Variants in RAB18 observed in about 807,000 individuals in gnomAD.
The protein encoded by RAB18 is ras-related protein Rab-18.
Under a neutral mutation model 28.5 loss-of-function variants are expected in RAB18, and 10 were observed. That is an observed-to-expected ratio of 0.35 (90% CI 0.22 to 0.60). The LOEUF is 0.60. Among genes scored for constraint, RAB18 ranks in the 20% least tolerant of loss-of-function variants. The pLI is 0.78. For missense variants in RAB18, 188 were observed against 244.2 expected (o/e 0.77, Z 1.53); for synonymous variants, 93 against 86.9 (o/e 1.07, Z -0.39).
rs776595083 is a variant in RAB18, at chr10:27,509,878, G to T, written c.72G>T (p.Leu24=). Residue 24 remains leucine, a synonymous_variant, in exon 2 of 7, where the codon CTG becomes CTT. Coordinates refer to ENST00000356940, the MANE Select transcript of RAB18 (RefSeq NM_021252.5). ...GTCTTTTTAATATCTCTTTCAGCCT[G>T]CTCTTGAGGTTCACAGATGATACGT... ...IGESGVGKSS[L]LLRFTDDTFD... 6.2e-7 allele frequency: 1 copy of T among 1,612,010 alleles called. No homozygotes were observed. The highest frequency in any genetic ancestry group is 2.2e-5 in the East Asian group (1 of 44,850).
At chr10:27,512,643 G>C (rs1834346886) in intron 2 of RAB18, among the ~76,000 whole-genome samples, 1 of 152,118 alleles carries the variant, frequency 6.6e-6, no homozygotes, top group Non-Finnish European at 1.5e-5. Context: ...TTACTTAGTA[G>C]TAAAACCTTA....
chr10:27,526,181 CCTCTT>C (rs1834667708), intron 2 of RAB18, among the ~76,000 whole-genome samples: 1 of 152,062 alleles, frequency 6.6e-6, no homozygotes, highest in Non-Finnish European at 1.5e-5. Flanking sequence ...TTTGGGCACT[CCTCTT>C]TCACTTATGA....
rs1834833404 is a variant in RAB18, at chr10:27,533,667, A to G, written c.260-68A>G. The G allele has an allele frequency of 5.1e-6, 8 of 1,580,644 alleles. No individual in the cohort carries two copies. In the East Asian group the frequency reaches 1.1e-4, roughly 22 times the overall value. ...TGCTTAGTAATGCTAACTCCTAGCTACATATCAGAAATACGCCATTGCTTC... is the reference window on the plus strand; with the variant it reads ...TGCTTAGTAATGCTAACTCCTAGCTGCATATCAGAAATACGCCATTGCTTC... On this transcript the variant is annotated intron_variant, in intron 4 of 6. Transcript: ENST00000356940.
intron 2 of RAB18, among the ~76,000 whole-genome samples, chr10:27,523,156 G>A (rs1490191877): frequency 1.3e-5 from 2 of 151,158 alleles, no homozygotes; most frequent in Non-Finnish European, 2.9e-5. Context: ...ATTAAGTATT[G>A]CTTAAGTGGC....
At chr10:27,518,789 T>C (rs1834488987) in intron 2 of RAB18, among the ~76,000 whole-genome samples, 1 of 152,142 alleles carries the variant, frequency 6.6e-6, no homozygotes, top group South Asian at 2.1e-4. Context: ...TCTAACTTCT[T>C]AATTTTTCCG....
chr10:27,527,575 C>G (rs1032101974), intron 3 of RAB18, among the ~76,000 whole-genome samples: 1 of 37,194 alleles, frequency 2.7e-5, no homozygotes, highest in Admixed American at 5.3e-4. Flanking sequence ...TAAATATGAT[C>G]GGTTATATAT....
At position 27,539,141 on chromosome 10, in the gene RAB18, T is replaced by A. The variant is rs1834966556; in HGVS notation, c.*1090T>A. 2.7e-6 allele frequency: 1 copy of A among 365,996 alleles called. No homozygotes were observed. The highest frequency in any genetic ancestry group is 5.3e-6 in the Non-Finnish European group (1 of 187,128). 22.7% of individuals were successfully genotyped at this position (365,996 alleles called of 1,614,324 possible). On this transcript the variant is annotated 3_prime_UTR_variant, in exon 7 of 7. Transcript: ENST00000356940. ...TTCATCAAAACCAACTTGTACAGAC[T>A]AATAAATCTTTTTCACAGTATTCAG...
intron 2 of RAB18, among the ~76,000 whole-genome samples, chr10:27,517,850 A>G (rs1474504000): frequency 6.6e-6 from 1 of 152,066 alleles, no homozygotes; most frequent in African/African-American, 2.4e-5. Context: ...TTTCTGTTCT[A>G]TTCTAGTCTG....
intron 2 of RAB18, among the ~76,000 whole-genome samples, chr10:27,517,688 T>A (rs1056072214): frequency 7.9e-5 from 12 of 152,396 alleles, no homozygotes; most frequent in East Asian, 5.8e-4. Flanking sequence ...CAGCATTTTT[T>A]AAAAAATTAT....
chr10:27,506,551 A>T (rs1479892180), intron 1 of RAB18, among the ~76,000 whole-genome samples: 1 of 151,932 alleles, frequency 6.6e-6, no homozygotes, highest in Non-Finnish European at 1.5e-5. Context: ...CGAACTCCTG[A>T]GCTCAACAGA....
At chr10:27,519,527 G>T (rs1287040594) in intron 2 of RAB18, among the ~76,000 whole-genome samples, 1 of 151,974 alleles carries the variant, frequency 6.6e-6, no homozygotes, top group Admixed American at 6.6e-5. Context: ...TTGTGTTTCT[G>T]TTTATTAGTA....
chr10:27,541,772 TTGTG>T lies in RAB18; in HGVS notation c.*3726_*3729del. On this transcript the variant is annotated 3_prime_UTR_variant, in exon 7 of 7. Coordinates refer to ENST00000356940, the MANE Select transcript of RAB18 (RefSeq NM_021252.5). ...TTTGTGACTGACTTTAATTTCTTGT[TTGTG>T]TGTGCTGTGGCTGCCCGATCCAGCA... is the stretch of plus-strand genomic sequence containing the variant. 2.2e-6 allele frequency: 1 copy of T among 453,906 alleles called. No homozygotes were observed. Among genetic ancestry groups the T allele is most frequent in the Non-Finnish European group, 4.4e-6 (1 of 226,662 alleles). The allele number at this position is 453,906 out of a possible 1,614,324, so 28.1% of individuals were successfully genotyped here.
At chr10:27,505,335 G>A (rs1293978456) in intron 1 of RAB18, 8 of 358,010 alleles carry the variant, frequency 2.2e-5, no homozygotes, top group African/African-American at 4.3e-5. Context: ...AACCACATTT[G>A]CACTCCAGGG....
At chr10:27,508,762 A>G (rs997158763) in intron 1 of RAB18, among the ~76,000 whole-genome samples, 2 of 152,230 alleles carry the variant, frequency 1.3e-5, no homozygotes, top group Non-Finnish European at 2.9e-5. Flanking sequence ...AACTACCAGG[A>G]GGCCATTATG....
rs10829265 is a variant in RAB18 at position 27,507,972 on chromosome 10, C to G, written c.69-1903C>G. On this transcript the variant is annotated intron_variant, in intron 1 of 6. Coordinates refer to ENST00000356940, the MANE Select transcript of RAB18 (RefSeq NM_021252.5). The stretch of plus-strand genomic sequence containing the variant: ...GTGGGAGGATTAGTGAGCTGTGATT[C>G]TGCCACTGCATTCCAGCCTGGGTGA... Among the ~76,000 whole-genome samples, 1,008 of 150,532 alleles carry G rather than the reference C, an allele frequency of 6.7e-3. 4 individuals carry two copies. Among genetic ancestry groups the G allele is most frequent in the Middle Eastern group, 0.024 (7 of 290 alleles).
intron 2 of RAB18, among the ~76,000 whole-genome samples, chr10:27,511,083 C>G (rs1013603547): frequency 1.3e-5 from 2 of 152,172 alleles, no homozygotes; most frequent in South Asian, 2.1e-4. Context: ...TGTCTATACA[C>G]AGATTTTATC....
intron 2 of RAB18, among the ~76,000 whole-genome samples, chr10:27,516,727 C>T (rs1385256629): frequency 2.6e-5 from 4 of 151,916 alleles, no homozygotes; most frequent in Non-Finnish European, 2.9e-5. Flanking sequence ...ACCTGAATGT[C>T]AAAGAATGCT....
intron 2 of RAB18, among the ~76,000 whole-genome samples, chr10:27,516,186 G>GAAA (rs1158476284): frequency 7.2e-5 from 11 of 152,028 alleles, no homozygotes; most frequent in African/African-American, 2.7e-4. Flanking sequence ...GTGTTCCATA[G>GAAA]GTTTTGGTAT....
intron 2 of RAB18, among the ~76,000 whole-genome samples, chr10:27,520,715 G>A (rs1201399954): frequency 6.6e-6 from 1 of 151,668 alleles, no homozygotes; most frequent in African/African-American, 2.4e-5. Flanking sequence ...TCAGGAGGTC[G>A]AGATCTGTCT....
Sources: gnomAD v4.1 joint callset for allele counts (sites outside exome capture counted in the v4.1 genomes callset) on GRCh38, gnomAD v4.1.1 for gene constraint, MANE v1.5 for transcripts, NCBI Gene and HGNC (gene_info 2026-07-23, HGNC 2026-07-21) for gene names.